ENPP7: variants seen among roughly 807,000 people sequenced by gnomAD.
The protein encoded by ENPP7 is ectonucleotide pyrophosphatase/phosphodiesterase 7.
In ENPP7, 39 loss-of-function variants were observed where a neutral mutation model predicts 33.6. The ratio of observed to expected loss-of-function variants is 1.16; its 90% CI spans 0.90 to 1.52. The LOEUF (loss-of-function observed/expected upper bound fraction) is 1.52. Among genes scored for constraint, ENPP7 ranks in the 40% most tolerant of loss-of-function variants. The pLI, the probability that ENPP7 is intolerant of heterozygous loss-of-function variation, is 0.00. For synonymous variants in ENPP7, 244 were observed against 274.3 expected (o/e 0.89, Z 1.09); for missense variants, 594 against 641.0 (o/e 0.93, Z 0.79).
chr17:79,740,733 C>A (rs1905465357), intron 5 of ENPP7, among the ~76,000 whole-genome samples: 2 of 152,198 alleles, frequency 1.3e-5, no homozygotes, highest in Non-Finnish European at 2.9e-5. Flanking sequence ...CTCTCCAGAT[C>A]CCCCTCAAAA....
chr17:79,732,139 T>TATATATATAC (rs2094287435), intron 1 of ENPP7, among the ~76,000 whole-genome samples: 3 of 53,572 alleles, frequency 5.6e-5, no homozygotes, highest in East Asian at 9.7e-4. Flanking sequence ...TATGTATATA[T>TATATATATAC]ATATATATAT....
Position 79,737,270 on chromosome 17 carries a change from G to C in ENPP7, c.1246+10G>C. ...CCCATGCTGCACACAGGTGAGGGCA[G>C]GGTGCCCCAAATCCCCGCCTGCTCT... On this transcript the variant is annotated intron_variant, in intron 4 of 5. Transcript: ENST00000328313. This position sits in a 1 kb window ranked among gnomAD's most constrained non-coding sequence, Gnocchi z 5.5. 6.3e-7 allele frequency: 1 copy of C among 1,587,292 alleles called. No individual in the cohort carries two copies. Among genetic ancestry groups the C allele is most frequent in the East Asian group, 2.3e-5 (1 of 43,864 alleles).
chr17:79,735,129 C>T lies in ENPP7; in HGVS notation c.486C>T (p.Ile162=), dbSNP rs77624421. Residue 162 remains isoleucine (I), a synonymous_variant, in exon 3 of 6, where the codon ATC becomes ATT. Transcript: ENST00000328313. This position sits in a 1 kb window ranked among gnomAD's most constrained non-coding sequence, Gnocchi z 5.5. ...TGACGCGGAGCCGGAAAGAAGGCAT[C>T]GCACACAACTACAAAAATGAGACGG... ...VAVTRSRKEG[I]AHNYKNETEW... 224 of 1,613,124 alleles carry T rather than the reference C, an allele frequency of 1.4e-4. No homozygotes were observed. The highest frequency in any genetic ancestry group is 1.3e-3 in the African/African-American group (97 of 75,042).
chr17:79,736,435 G>C (rs551689157), intron 3 of ENPP7, among the ~76,000 whole-genome samples: 16 of 152,340 alleles, frequency 1.1e-4, no homozygotes, highest in Non-Finnish European at 2.4e-4. Flanking sequence ...CTATGCGGTA[G>C]GGTGTGTGCA....
chr17:79,741,279 G>A (rs1905503474), intron 5 of ENPP7, among the ~76,000 whole-genome samples: 1 of 152,228 alleles, frequency 6.6e-6, no homozygotes, highest in Non-Finnish European at 1.5e-5. Context: ...ATGAGCCACT[G>A]GGCCCAGTCC....
rs2094290132 is a variant in ENPP7 at position 79,733,600 on chromosome 17, C to T, written c.346C>T (p.Gln116Ter). 2.5e-6 allele frequency: 4 copies of T among 1,613,340 alleles called. No individual in the cohort carries two copies. The highest frequency in any genetic ancestry group is 1.7e-6 in the Non-Finnish European group (2 of 1,180,012). The change falls in exon 2 of 6, where the codon CAG becomes TAG. Residue 116 changes from glutamine to a stop codon, truncating the protein, a stop_gained. Transcript: ENST00000328313. LOFTEE classifies it high-confidence loss of function. Reference protein sequence around the residue: ...KLPYHATLGIQRWWDNGSVPI... With the variant: ...KLPYHATLGI ...GCCCTACCACGCCACGCTGGGCATCCAGAGGTGGTGGGACAACGGCAGCGT... is the reference window on the plus strand; with the variant it reads ...GCCCTACCACGCCACGCTGGGCATCTAGAGGTGGTGGGACAACGGCAGCGT...
At chr17:79,732,149 T>TATATATATATATATATATATACAC (rs1171801654) in intron 1 of ENPP7, among the ~76,000 whole-genome samples, 14 of 34,150 alleles carry the variant, frequency 4.1e-4, no homozygotes, top group African/African-American at 1.2e-3. Flanking sequence ...TATATATATA[T>TATATATATATATATATATATACAC]ACACACACAT....
In ENPP7 at chr17:79,739,652, A is replaced by T. The variant is rs1274891620; in HGVS notation, c.*16+1590A>T. On this transcript the variant is annotated intron_variant, in intron 5 of 5. Transcript: ENST00000328313. The surrounding 1 kb of genome is among the most constrained non-coding windows in gnomAD (Gnocchi z 4.4). ...GGGGCCGAGACTTGTTTCGGCCGTG[A>T]TCAGCCTCAATGCCGGCGACGCGGC... 6.6e-6 allele frequency: 1 copy of T among 152,338 alleles called. No homozygotes were observed. The highest frequency in any genetic ancestry group is 1.5e-5 in the Non-Finnish European group (1 of 68,148). The allele number at this position is 152,338 out of a possible 1,614,324, so 9.4% of individuals were successfully genotyped here.
At chr17:79,740,205 A>G (rs1276097797) in intron 5 of ENPP7, among the ~76,000 whole-genome samples, 1 of 152,144 alleles carries the variant, frequency 6.6e-6, no homozygotes, top group South Asian at 2.1e-4. Context: ...CTACAAAATA[A>G]ATCAATGAAA....
At chr17:79,733,465 C>A (rs782268065) in intron 1 of ENPP7, 43 bp from the exon 2 acceptor site, 14 of 1,598,914 alleles carry the variant, frequency 8.8e-6, no homozygotes, top group African/African-American at 1.3e-5. Context: ...TTCGCTGTGA[C>A]CCCGGTCCAT....
In ENPP7 at chr17:79,741,800, G is replaced by T; in HGVS notation, c.*23G>T. ...GTGCTGCTTGCTCTTCCAGGAAGCCGCCGGGAGCTGCCCGCAGGCCCTGGG... is the reference window on the plus strand; with the variant it reads ...GTGCTGCTTGCTCTTCCAGGAAGCCTCCGGGAGCTGCCCGCAGGCCCTGGG... On this transcript the variant is annotated 3_prime_UTR_variant, in exon 6 of 6. Transcript: ENST00000328313. The T allele has an allele frequency of 1.0e-6, 1 of 985,934 alleles. No homozygotes were observed. The highest frequency in any genetic ancestry group is 1.2e-6 in the Non-Finnish European group (1 of 830,416). The allele number at this position is 985,934 out of a possible 1,614,324, so 61.1% of individuals were successfully genotyped here.
chr17:79,740,380 T>A (rs570434499), intron 5 of ENPP7, among the ~76,000 whole-genome samples: 7 of 152,302 alleles, frequency 4.6e-5, no homozygotes, highest in African/African-American at 1.7e-4. Context: ...GTTAGCTGAC[T>A]GGTCCAAGGG....
chr17:79,735,190 T>C lies in ENPP7; in HGVS notation c.547T>C (p.Phe183Leu), dbSNP rs781852095. The change falls in exon 3 of 6, where the codon TTC becomes CTC. Residue 183 changes from phenylalanine to leucine, a missense_variant. Phe to Leu is a conservative substitution (Grantham distance 22). Around this residue, in one of 3 missense-constraint regions of ENPP7, gnomAD observed 504 missense variants for 512.8 expected, o/e 0.98. Coordinates refer to ENST00000328313, the MANE Select transcript of ENPP7 (RefSeq NM_178543.5). This position sits in a 1 kb window ranked among gnomAD's most constrained non-coding sequence, Gnocchi z 5.5. ...GAACATCGACACAGTGATGGCGTGGTTCACAGAGGAGGACCTGGATCTGGT... is the reference window on the plus strand; with the variant it reads ...GAACATCGACACAGTGATGGCGTGGCTCACAGAGGAGGACCTGGATCTGGT... Reference protein sequence around the residue: ...RANIDTVMAWFTEEDLDLVTL... With the variant: ...RANIDTVMAWLTEEDLDLVTL... The C allele has an allele frequency of 1.2e-6, 2 of 1,613,272 alleles. No individual in the cohort carries two copies. Among genetic ancestry groups the C allele is most frequent in the Admixed American group, 3.3e-5 (2 of 60,026 alleles).
At chr17:79,734,997 G>A (rs782005671) in intron 2 of ENPP7, 46 bp from the exon 3 acceptor site, 4 of 1,589,162 alleles carry the variant, frequency 2.5e-6, no homozygotes, top group Non-Finnish European at 3.4e-6. Context: ...GAGACAAGGG[G>A]CAGCCCACTG....
At position 79,730,989 on chromosome 17, in the gene ENPP7, G is replaced by C; in HGVS notation, c.-151G>C. ...GGGGTGGCACTGACACGGCTGGGGA[G>C]CCCACTCCCGAGGTTCGACCCGGGG... On this transcript the variant is annotated 5_prime_UTR_variant, in exon 1 of 6. Coordinates refer to ENST00000328313, the MANE Select transcript of ENPP7 (RefSeq NM_178543.5). 1.3e-6 allele frequency: 1 copy of C among 787,994 alleles called. No homozygotes were observed. Among genetic ancestry groups the C allele is most frequent in the Non-Finnish European group, 2.0e-6 (1 of 510,018 alleles). The allele number at this position is 787,994 out of a possible 1,614,324, so 48.8% of individuals were successfully genotyped here.
In ENPP7 at chr17:79,731,306, C is replaced by A. The variant is rs1555822459; in HGVS notation, c.167C>A (p.Ala56Asp). Reference sequence around the variant, plus strand: ...GACGTGGACACCCCCAACCTGGACGCCATGGCCCGAGACGGGGTGAAGGCA... The same window carrying A: ...GACGTGGACACCCCCAACCTGGACGACATGGCCCGAGACGGGGTGAAGGCA... ...DQDVDTPNLD[A>D]MARDGVKARY... is the part of the protein sequence containing the mutation. The change falls in exon 1 of 6, where the codon GCC (alanine) becomes GAC (aspartate). Residue 56 changes from alanine to aspartate, a missense_variant. This residue lies in a region of ENPP7 where 85 missense variants were observed against 111.3 expected (regional missense o/e 0.76). Coordinates refer to ENST00000328313, the MANE Select transcript of ENPP7 (RefSeq NM_178543.5). 9 of 1,613,938 alleles carry A rather than the reference C, an allele frequency of 5.6e-6. No individual in the cohort carries two copies. Among genetic ancestry groups the A allele is most frequent in the Non-Finnish European group, 5.9e-6 (7 of 1,179,940 alleles).
intron 5 of ENPP7, among the ~76,000 whole-genome samples, chr17:79,741,490 C>G (rs557581572): frequency 1.3e-5 from 2 of 152,272 alleles, no homozygotes; most frequent in South Asian, 4.1e-4. Context: ...ACAGTGCCCA[C>G]CCCTCCCCTC....
intron 5 of ENPP7, among the ~76,000 whole-genome samples, chr17:79,741,526 C>T (rs1209107699): frequency 4.6e-5 from 7 of 152,016 alleles, no homozygotes; most frequent in African/African-American, 1.7e-4. Flanking sequence ...GGGTCTGAAG[C>T]CTGACATCAG....
Position 79,737,116 on chromosome 17 carries a change from G to T in ENPP7, c.1102G>T (p.Ala368Ser), listed in dbSNP as rs201643146. The change falls in exon 4 of 6, where the codon GCT (alanine) becomes TCT (serine). Residue 368 changes from alanine (A) to serine (S), a missense_variant. Physicochemically the swap from Ala to Ser is moderately conservative, Grantham distance 99 (BLOSUM62 1). Coordinates refer to ENST00000328313, the MANE Select transcript of ENPP7 (RefSeq NM_178543.5). This position sits in a 1 kb window ranked among gnomAD's most constrained non-coding sequence, Gnocchi z 5.5. Reference sequence around the variant, plus strand: ...CATGGACATGAAGACCATCTTCCGCGCTGTGGGCCCTAGCTTCAGGGCGGG... The same window carrying T: ...CATGGACATGAAGACCATCTTCCGCTCTGTGGGCCCTAGCTTCAGGGCGGG... Reference protein sequence around the residue: ...KDMDMKTIFRAVGPSFRAGLE... With the variant: ...KDMDMKTIFRSVGPSFRAGLE... 6.2e-7 allele frequency: 1 copy of T among 1,614,058 alleles called. No homozygotes were observed. Among genetic ancestry groups the T allele is most frequent in the Non-Finnish European group, 8.5e-7 (1 of 1,180,042 alleles).
Sources: allele counts gnomAD v4.1 joint callset (sites outside exome capture counted in the v4.1 genomes callset), GRCh38; gene constraint gnomAD v4.1.1; regional missense constraint gnomAD v4.1.1; non-coding constraint Gnocchi (gnomAD v3.1); transcripts MANE v1.5; gene names NCBI Gene and HGNC (gene_info 2026-07-23, HGNC 2026-07-21).